KDM7A: variants seen among roughly 807,000 people sequenced by gnomAD.
KDM7A encodes the protein lysine-specific demethylase 7A.
KDM7A carries 28 observed loss-of-function variants against 114.8 expected under a neutral mutation model. The observed-to-expected ratio is 0.24, with a 90% CI of 0.18 to 0.33. The LOEUF is 0.33. Among genes scored for constraint, KDM7A ranks in the 10% least tolerant of loss-of-function variants. The pLI is 1.00. For missense variants in KDM7A, 942 were observed against 1,142.5 expected, an observed-to-expected ratio of 0.82 and a Z score of 2.53; for synonymous variants, 423 against 397.8, an observed-to-expected ratio of 1.06 and a Z score of -0.75.
intron 1 of KDM7A, among the ~76,000 whole-genome samples, chr7:140,158,486 A>G (rs1028857853): frequency 2.0e-5 from 3 of 152,170 alleles, no homozygotes; most frequent in African/African-American, 7.2e-5. Context: ...TGAAATGAAG[A>G]GGACTACAGG....
At chr7:140,099,776 G>A in intron 13 of KDM7A, 123 bp downstream of exon 13, 1 of 818,716 alleles carries the variant, frequency 1.2e-6, no homozygotes, top group Non-Finnish European at 2.0e-6. Context: ...CCCTGGCTGA[G>A]AAAAAACTGT....
chr7:140,142,783 T>A (rs1794297933), intron 1 of KDM7A, among the ~76,000 whole-genome samples: 1 of 152,096 alleles, frequency 6.6e-6, no homozygotes, highest in Admixed American at 6.6e-5. Flanking sequence ...CTCAGGCACA[T>A]GTGCACCAGG....
rs562424309 is a variant in KDM7A, at chr7:140,152,574, T to A, written c.195-13384A>T. On this transcript the variant is annotated intron_variant, in intron 1 of 19. Coordinates refer to ENST00000397560, the MANE Select transcript of KDM7A (RefSeq NM_030647.2). The stretch of plus-strand genomic sequence containing the variant: ...GGGAGGCGGAGGTTACAGTGTGAGC[T>A]GAGATCATCCCACTGCACTCCAGCC... 1.1e-4 allele frequency among the ~76,000 whole-genome samples: 16 copies of A among 151,274 alleles called. No homozygotes were observed. In the South Asian group the frequency reaches 3.1e-3, roughly 30 times the overall value.
chr7:140,091,109 T>G lies in KDM7A; in HGVS notation c.2811A>C (p.Ala937=). The G allele has an allele frequency of 6.2e-7, 1 of 1,613,002 alleles. No individual in the cohort carries two copies. The highest frequency in any genetic ancestry group is 2.2e-5 in the East Asian group (1 of 44,866). Residue 937 remains alanine (A), a synonymous_variant, in exon 20 of 20, where the codon GCA becomes GCC. Coordinates refer to ENST00000397560, the MANE Select transcript of KDM7A (RefSeq NM_030647.2). The part of the protein sequence containing the change: ...KILKLNRNGH[A]RFFV ...AGCAGCTCTGTCACACAAAGAAACG[T>G]GCATGGCCATTTCTGTTCAACTTAA...
chr7:140,135,037 T>TAA (rs58259207), intron 2 of KDM7A, among the ~76,000 whole-genome samples: 73 of 127,402 alleles, frequency 5.7e-4, no homozygotes, highest in Middle Eastern at 4.1e-3. Flanking sequence ...TAAGTCCCAT[T>TAA]AAAAAAAAAA....
At chr7:140,111,761 C>G (rs1165753044) in intron 10 of KDM7A, among the ~76,000 whole-genome samples, 2 of 152,102 alleles carry the variant, frequency 1.3e-5, no homozygotes, top group Non-Finnish European at 2.9e-5. Flanking sequence ...AAGTTTGAGC[C>G]CAGCCTGGCC....
chr7:140,130,228 T>C (rs1818763633), intron 3 of KDM7A, among the ~76,000 whole-genome samples: 1 of 152,192 alleles, frequency 6.6e-6, no homozygotes, highest in African/African-American at 2.4e-5. Context: ...CTAGTTGTAA[T>C]GAACGGTTAG....
rs1446901389 is a variant in KDM7A, at chr7:140,111,501, A to G, written c.1339-317T>C. 2.6e-5 allele frequency among the ~76,000 whole-genome samples: 4 copies of G among 152,264 alleles called. No homozygotes were observed. The East Asian group carries it at 7.7e-4, about 29-fold the overall frequency. Reference sequence around the variant, plus strand: ...ACTACTACTACTAATTCGTAAAGTGACAAATTAAGCTTAACATTTAATTCA... The same window carrying G: ...ACTACTACTACTAATTCGTAAAGTGGCAAATTAAGCTTAACATTTAATTCA... On this transcript the variant is annotated intron_variant, in intron 10 of 19. Transcript: ENST00000397560.
chr7:140,147,493 G>A (rs762348912), intron 1 of KDM7A, among the ~76,000 whole-genome samples: 51 of 151,970 alleles, frequency 3.4e-4, no homozygotes, highest in African/African-American at 7.0e-4. Flanking sequence ...TTTATATATC[G>A]GAAATTTTGC....
rs1817996789 is a variant in KDM7A, at chr7:140,090,206, T to G, written c.*888A>C. On this transcript the variant is annotated 3_prime_UTR_variant, in exon 20 of 20. Coordinates refer to ENST00000397560, the MANE Select transcript of KDM7A (RefSeq NM_030647.2). ...TGCTCTCTTTGGGACCCAGATATCA[T>G]CAGCAGAAATGAAAATGCAAAAGCC... 6.6e-6 allele frequency: 1 copy of G among 152,126 alleles called. No homozygotes were observed. The highest frequency in any genetic ancestry group is 2.1e-4 in the South Asian group (1 of 4,830). 9.4% of individuals were successfully genotyped at this position (152,126 alleles called of 1,614,324 possible).
intron 1 of KDM7A, among the ~76,000 whole-genome samples, chr7:140,171,550 T>C (rs944007447): frequency 1.5e-5 from 2 of 132,248 alleles, no homozygotes; most frequent in Non-Finnish European, 1.6e-5. Context: ...TTTATAAATA[T>C]ATATTTATTT....
chr7:140,092,564 A>G (rs1818039191), intron 18 of KDM7A, among the ~76,000 whole-genome samples: 1 of 151,720 alleles, frequency 6.6e-6, no homozygotes, highest in Non-Finnish European at 1.5e-5. Flanking sequence ...CACTACAACT[A>G]CTCTTTCAGT....
intron 19 of KDM7A, among the ~76,000 whole-genome samples, 178 bp from the exon 20 acceptor site, chr7:140,091,366 C>A (rs1818016783): frequency 6.6e-6 from 1 of 152,202 alleles, no homozygotes; most frequent in Non-Finnish European, 1.5e-5. Flanking sequence ...ACACTAGGCC[C>A]TCACAAGACT....
chr7:140,167,669 A>T (rs1794593379), intron 1 of KDM7A, among the ~76,000 whole-genome samples: 1 of 152,108 alleles, frequency 6.6e-6, no homozygotes, highest in Admixed American at 6.5e-5. Context: ...CCACACAAGT[A>T]TTAGAAAAAA....
intron 1 of KDM7A, among the ~76,000 whole-genome samples, chr7:140,147,139 A>C (rs1308984593): frequency 6.6e-6 from 1 of 151,948 alleles, no homozygotes. Flanking sequence ...TTTCCTACCA[A>C]AAGGGTAGGA....
At chr7:140,133,943 G>A (rs1818830680) in intron 2 of KDM7A, among the ~76,000 whole-genome samples, 1 of 152,128 alleles carries the variant, frequency 6.6e-6, no homozygotes, top group Non-Finnish European at 1.5e-5. Flanking sequence ...CACACTTATA[G>A]ATACTATACA....
chr7:140,091,015 A>C lies in KDM7A; in HGVS notation c.*79T>G, dbSNP rs1356079911. The C allele has an allele frequency of 2.0e-6, 2 of 977,694 alleles. No individual in the cohort carries two copies. Among genetic ancestry groups the C allele is most frequent in the Non-Finnish European group, 3.3e-6 (2 of 604,762 alleles). 60.6% of individuals were successfully genotyped at this position (977,694 alleles called of 1,614,324 possible). ...ACTATACACACAAACTGCTCCAGGCAGGGGGACAGCGGAAGCTCCAGGCTC... is the reference window on the plus strand; with the variant it reads ...ACTATACACACAAACTGCTCCAGGCCGGGGGACAGCGGAAGCTCCAGGCTC... On this transcript the variant is annotated 3_prime_UTR_variant, in exon 20 of 20. Coordinates refer to ENST00000397560, the MANE Select transcript of KDM7A (RefSeq NM_030647.2).
At chr7:140,122,459 C>G (rs947546742) in intron 7 of KDM7A, among the ~76,000 whole-genome samples, 1 of 151,894 alleles carries the variant, frequency 6.6e-6, no homozygotes, top group Non-Finnish European at 1.5e-5. Context: ...GTGAATGAGC[C>G]CATTCACAAT....
At chr7:140,155,058 A>C (rs920790935) in intron 1 of KDM7A, among the ~76,000 whole-genome samples, 3 of 152,314 alleles carry the variant, frequency 2.0e-5, no homozygotes, top group East Asian at 3.9e-4. Context: ...CACGTTAATG[A>C]ATACATATGA....
Sources: gnomAD v4.1 joint callset for allele counts (sites outside exome capture counted in the v4.1 genomes callset) on GRCh38, gnomAD v4.1.1 for gene constraint, MANE v1.5 for transcripts, NCBI Gene and HGNC (gene_info 2026-07-23, HGNC 2026-07-21) for gene names.